MITF: variants seen among roughly 807,000 people sequenced by gnomAD.
The protein encoded by MITF is microphthalmia-associated transcription factor.
MITF carries 17 observed loss-of-function variants against 60.5 expected under a neutral mutation model. The observed-to-expected ratio is 0.28, with a 90% CI of 0.19 to 0.42. MITF has a LOEUF of 0.42. Ranked by LOEUF, MITF falls within the 10% of genes least tolerant of loss-of-function variation. The pLI, the probability that MITF is intolerant of heterozygous loss-of-function variation, is 1.00. For synonymous variants in MITF, 260 were observed against 248.5 expected (o/e 1.05, Z -0.43); for missense variants, 622 against 683.5 (o/e 0.91, Z 1.00).
intron 1 of MITF, chr3:69,764,084 A>C (rs1275738584): frequency 1.6e-6 from 1 of 623,414 alleles, no homozygotes; most frequent in Non-Finnish European, 2.4e-6. Context: ...GTTTTCGGAA[A>C]TGTTCAGTTC....
chr3:69,763,780 A>C (rs1165096221), intron 1 of MITF: 1 of 1,363,782 alleles, frequency 7.3e-7, no homozygotes, highest in Non-Finnish European at 9.7e-7. Flanking sequence ...ACCTAAGTAA[A>C]AGCTAATGGT....
At chr3:69,835,985 G>A (rs1210598752) in intron 1 of MITF, among the ~76,000 whole-genome samples, 2 of 151,834 alleles carry the variant, frequency 1.3e-5, no homozygotes, top group Non-Finnish European at 2.9e-5. Context: ...TGAATTTTAG[G>A]ATTTTTTTTC....
At chr3:69,901,517 T>G (rs2064995450) in intron 2 of MITF, among the ~76,000 whole-genome samples, 2 of 152,058 alleles carry the variant, frequency 1.3e-5, no homozygotes, top group African/African-American at 4.8e-5. Context: ...ACACTTCAAT[T>G]TTCTTTAAGA....
intron 6 of MITF, among the ~76,000 whole-genome samples, chr3:69,951,302 A>G (rs2066247623): frequency 6.7e-6 from 1 of 150,250 alleles, no homozygotes; most frequent in African/African-American, 2.5e-5. Context: ...CTGATCTTGA[A>G]CTCCTGGGCT....
chr3:69,924,449 G>A (rs921526183), intron 2 of MITF, among the ~76,000 whole-genome samples: 21 of 152,186 alleles, frequency 1.4e-4, no homozygotes, highest in Non-Finnish European at 2.5e-4. Context: ...TATGGAGAAA[G>A]AGGACATAAA....
intron 2 of MITF, among the ~76,000 whole-genome samples, chr3:69,913,804 A>T (rs2107397551): frequency 6.6e-6 from 1 of 152,316 alleles, no homozygotes; most frequent in South Asian, 2.1e-4. Flanking sequence ...TTTGGTGGTG[A>T]TGCCTACTCA....
At chr3:69,822,350 G>A (rs2063289183) in intron 1 of MITF, among the ~76,000 whole-genome samples, 1 of 152,204 alleles carries the variant, frequency 6.6e-6, no homozygotes, top group Non-Finnish European at 1.5e-5. Context: ...GGTTTAGAAT[G>A]TGCTTGCTGT....
chr3:69,945,994 G>C (rs1461843527), intron 5 of MITF, among the ~76,000 whole-genome samples: 2 of 152,162 alleles, frequency 1.3e-5, no homozygotes, highest in Non-Finnish European at 2.9e-5. Flanking sequence ...ATAGCAAGTG[G>C]TTTTGTTGAT....
At chr3:69,739,812 C>A in intron 1 of MITF, 111 bp downstream of exon 1, 2 of 789,694 alleles carry the variant, frequency 2.5e-6, no homozygotes, top group Non-Finnish European at 2.1e-6. Flanking sequence ...GGACCCAGTG[C>A]CCTTGCCCCG....
chr3:69,901,812 G>C (rs1179034961), intron 2 of MITF, among the ~76,000 whole-genome samples: 1 of 152,206 alleles, frequency 6.6e-6, no homozygotes, highest in East Asian at 1.9e-4. Flanking sequence ...AGCGTGTGCT[G>C]AGCATGGCCT....
rs554301036 is a variant in MITF, at chr3:69,884,988, A to G, written c.354+5605A>G. 3.9e-5 allele frequency among the ~76,000 whole-genome samples: 6 copies of G among 152,280 alleles called. No homozygotes were observed. The East Asian group carries it at 9.7e-4, about 25-fold the overall frequency. The stretch of plus-strand genomic sequence containing the variant: ...GCTCTAATTACATGTTCATTGGGCA[A>G]TATTGGCACAGAATGGAAATGATTT... On this transcript the variant is annotated intron_variant, in intron 2 of 9. Coordinates refer to ENST00000352241, the MANE Select transcript of MITF (RefSeq NM_001354604.2).
chr3:69,918,158 G>A (rs771288607), intron 2 of MITF, among the ~76,000 whole-genome samples: 25 of 151,944 alleles, frequency 1.6e-4, no homozygotes, highest in Non-Finnish European at 2.6e-4. Context: ...TCCACCTCCC[G>A]GGTTCAAGTG....
intron 1 of MITF, among the ~76,000 whole-genome samples, chr3:69,868,161 T>A (rs983392524): frequency 1.3e-5 from 2 of 152,244 alleles, no homozygotes; most frequent in Non-Finnish European, 2.9e-5. Context: ...ATTCATTGCC[T>A]AACTTTTACT....
intron 1 of MITF, among the ~76,000 whole-genome samples, chr3:69,740,266 C>G (rs900176081): frequency 6.6e-6 from 1 of 151,936 alleles, no homozygotes; most frequent in African/African-American, 2.4e-5. Context: ...GGCTCCGCCT[C>G]TCACCTCCAG....
chr3:69,869,000 T>A (rs2064171222), intron 1 of MITF, among the ~76,000 whole-genome samples: 1 of 151,896 alleles, frequency 6.6e-6, no homozygotes, highest in African/African-American at 2.4e-5. Flanking sequence ...TCTTAACATG[T>A]GGAGGGAAAG....
chr3:69,851,599 G>A (rs893918294), intron 1 of MITF, among the ~76,000 whole-genome samples: 1 of 152,138 alleles, frequency 6.6e-6, no homozygotes, highest in African/African-American at 2.4e-5. Flanking sequence ...TGACATCCTG[G>A]AAAAGGCAAA....
Position 69,774,133 on chromosome 3 carries a change from C to T in MITF, c.104+34432C>T, listed in dbSNP as rs115980679. 6.5e-3 allele frequency among the ~76,000 whole-genome samples: 984 copies of T among 152,290 alleles called. 9 individuals carry two copies. Among genetic ancestry groups the T allele is most frequent in the African/African-American group, 0.022 (906 of 41,566 alleles). ...TTCAGGTATGTCTTCATACCAATAT[C>T]CTTTAAAAATGTTTAATATTTTCAA... On this transcript the variant is annotated intron_variant, in intron 1 of 9. Transcript: ENST00000352241.
At chr3:69,962,967 T>C (rs551846556) in intron 9 of MITF, among the ~76,000 whole-genome samples, 9 of 152,316 alleles carry the variant, frequency 5.9e-5, no homozygotes, top group Admixed American at 5.2e-4. Context: ...CCTTGGCTTG[T>C]AGATGCCTGT....
At chr3:69,779,821 TA>T (rs920735096) in intron 1 of MITF, among the ~76,000 whole-genome samples, 1 of 152,188 alleles carries the variant, frequency 6.6e-6, no homozygotes, top group African/African-American at 2.4e-5. Context: ...ACATTTAGTA[TA>T]ATTCACAACC....
Sources: allele counts gnomAD v4.1 joint callset (sites outside exome capture counted in the v4.1 genomes callset), GRCh38; gene constraint gnomAD v4.1.1; transcripts MANE v1.5; gene names NCBI Gene and HGNC (gene_info 2026-07-23, HGNC 2026-07-21).